Variants in EPS15L1 observed in about 807,000 individuals in gnomAD.
EPS15L1 encodes the protein epidermal growth factor receptor pathway substrate 15 like 1, also known as epidermal growth factor receptor substrate 15-like 1.
In EPS15L1, 43 loss-of-function variants were observed where a neutral mutation model predicts 117.1. The ratio of observed to expected loss-of-function variants is 0.37; its 90% CI spans 0.29 to 0.47. EPS15L1 has a LOEUF of 0.47. Ranked by LOEUF, EPS15L1 falls within the 20% of genes least tolerant of loss-of-function variation. EPS15L1 has a pLI of 0.99. For missense variants in EPS15L1, 981 were observed against 1,164.0 expected (o/e 0.84, Z 2.29); for synonymous variants, 459 against 470.5 (o/e 0.98, Z 0.32).
chr19:16,407,284 C>T (rs2092665930), intron 13 of EPS15L1, among the ~76,000 whole-genome samples: 1 of 152,124 alleles, frequency 6.6e-6, no homozygotes, highest in South Asian at 2.1e-4. Flanking sequence ...GCTCTCCCTT[C>T]CCTTTCTTCT....
intron 22 of EPS15L1, among the ~76,000 whole-genome samples, chr19:16,375,848 G>A (rs1204882280): frequency 6.6e-6 from 1 of 152,216 alleles, no homozygotes; most frequent in Non-Finnish European, 1.5e-5. Context: ...GCCATGGCCA[G>A]CCCAGGGGAC....
intron 10 of EPS15L1, among the ~76,000 whole-genome samples, chr19:16,419,079 GA>G (rs1249211803): frequency 6.6e-6 from 1 of 152,236 alleles, no homozygotes; most frequent in Non-Finnish European, 1.5e-5. Context: ...TGGATGTCCT[GA>G]AAGATGGGCC....
chr19:16,382,967 T>A (rs988394088), intron 21 of EPS15L1: 1 of 151,934 alleles, frequency 6.6e-6, no homozygotes, highest in Non-Finnish European at 1.5e-5. Flanking sequence ...TTTTGTTTTT[T>A]AAAAAAACAC....
chr19:16,421,277 T>C lies in EPS15L1; in HGVS notation c.950+42A>G, dbSNP rs574299732. 12 of 1,574,154 alleles carry C rather than the reference T, an allele frequency of 7.6e-6. No homozygotes were observed. The African/African-American group carries it at 8.1e-5, about 11-fold the overall frequency. The stretch of plus-strand genomic sequence containing the variant: ...CCACAGTCTTCACCCACAGGCCCCC[T>C]GGAGCCACCCACAGCCACAACTGCC... On this transcript the variant is annotated intron_variant, in intron 10 of 23. Transcript: ENST00000455140.
At chr19:16,378,098 C>T (rs917335783) in intron 21 of EPS15L1, among the ~76,000 whole-genome samples, 2 of 151,698 alleles carry the variant, frequency 1.3e-5, no homozygotes, top group Non-Finnish European at 1.5e-5. Flanking sequence ...GATTAATGGA[C>T]GAATGAATGG....
intron 20 of EPS15L1, among the ~76,000 whole-genome samples, chr19:16,385,759 C>T (rs1173785801): frequency 6.6e-6 from 1 of 151,952 alleles, no homozygotes; most frequent in African/African-American, 2.4e-5. Flanking sequence ...AAGGCTCGAG[C>T]GTGCATCTGC....
chr19:16,361,830 AGAG>A lies in EPS15L1; in HGVS notation c.2532_2534del (p.Ser845del), dbSNP rs767374546. On this transcript the variant is annotated inframe_deletion, in exon 23 of 24. Coordinates refer to ENST00000455140, the MANE Select transcript of EPS15L1 (RefSeq NM_001258374.3). ...CAGAGGCCTTAGAAGGTTTAGCTGC[AGAG>A]GAGGGGACAAATGGGTCTTTTCCAC... The A allele has an allele frequency of 8.1e-6, 13 of 1,614,096 alleles. No homozygotes were observed. In the African/African-American group the frequency reaches 1.7e-4, roughly 22 times the overall value.
intron 1 of EPS15L1, among the ~76,000 whole-genome samples, chr19:16,463,903 G>A (rs960697066): frequency 2.6e-5 from 4 of 152,234 alleles, no homozygotes; most frequent in Admixed American, 1.3e-4. Flanking sequence ...ATTCCAGAGA[G>A]AGGGAATAGC....
rs956424896 is a variant in EPS15L1, at chr19:16,361,647, G to A, written c.2586+132C>T. ...AGTGGCAGTGTAGAATAAATAACGCGAGGGACAGAGAGTGTGAGGTACCAA... is the reference window on the plus strand; with the variant it reads ...AGTGGCAGTGTAGAATAAATAACGCAAGGGACAGAGAGTGTGAGGTACCAA... On this transcript the variant is annotated intron_variant, in intron 23 of 23. Coordinates refer to ENST00000455140, the MANE Select transcript of EPS15L1 (RefSeq NM_001258374.3). 1.9e-5 allele frequency: 27 copies of A among 1,407,486 alleles called. No individual in the cohort carries two copies. The African/African-American group carries it at 3.2e-4, about 17-fold the overall frequency. 87.2% of individuals were successfully genotyped at this position (1,407,486 alleles called of 1,614,324 possible). A position where few individuals can be genotyped will look rare whatever the true frequency, so the allele number is the denominator to read the frequency against.
chr19:16,442,042 G>T, intron 2 of EPS15L1, 61 bp from the exon 3 acceptor site: 1 of 1,500,648 alleles, frequency 6.7e-7, no homozygotes, highest in Non-Finnish European at 9.2e-7. Flanking sequence ...AGGTGAAGTG[G>T]CACCCGCCAC....
In EPS15L1 at chr19:16,440,703, C is replaced by T. The variant is rs183545749; in HGVS notation, c.213+159G>A. 1.2e-5 allele frequency: 7 copies of T among 587,516 alleles called. No homozygotes were observed. In the Admixed American group the frequency reaches 1.3e-4, roughly 11 times the overall value. The allele number at this position is 587,516 out of a possible 1,614,324, so 36.4% of individuals were successfully genotyped here. On this transcript the variant is annotated intron_variant, in intron 4 of 23. Coordinates refer to ENST00000455140, the MANE Select transcript of EPS15L1 (RefSeq NM_001258374.3). The stretch of plus-strand genomic sequence containing the variant: ...AAGATGGCTCCAAGTGTTTAAAAGA[C>T]CTTTATTTCAAAATGAAAACTTCCC...
chr19:16,397,539 A>G (rs1057241960), intron 16 of EPS15L1, among the ~76,000 whole-genome samples: 8 of 151,996 alleles, frequency 5.3e-5, no homozygotes, highest in Middle Eastern at 6.8e-3. Context: ...GACCTTCCTC[A>G]ATCATCCTTT....
chr19:16,454,288 C>A (rs1045158891), intron 1 of EPS15L1, among the ~76,000 whole-genome samples: 2 of 152,148 alleles, frequency 1.3e-5, no homozygotes, highest in African/African-American at 4.8e-5. Context: ...CAATCTTCAT[C>A]AGCTTGCTAA....
At chr19:16,419,857 C>T (rs2144937880) in intron 10 of EPS15L1, among the ~76,000 whole-genome samples, 1 of 152,370 alleles carries the variant, frequency 6.6e-6, no homozygotes, top group South Asian at 2.1e-4. Flanking sequence ...GCAGCTGCCT[C>T]TCCACTCCCG....
At chr19:16,420,776 G>A (rs766423515) in intron 10 of EPS15L1, among the ~76,000 whole-genome samples, 7 of 152,162 alleles carry the variant, frequency 4.6e-5, no homozygotes, top group South Asian at 2.1e-4. Context: ...CTATGAAGTC[G>A]GCTGTGTCCA....
intron 16 of EPS15L1, among the ~76,000 whole-genome samples, chr19:16,400,075 G>A (rs935507650): frequency 1.3e-5 from 2 of 152,128 alleles, no homozygotes; most frequent in Admixed American, 6.5e-5. Context: ...GGTGGCTCAC[G>A]CCTGTAATCC....
At chr19:16,415,794 C>G (rs1238172743) in intron 12 of EPS15L1, among the ~76,000 whole-genome samples, 1 of 152,222 alleles carries the variant, frequency 6.6e-6, no homozygotes, top group Non-Finnish European at 1.5e-5. Context: ...GCCCCAGCGT[C>G]CCTTCCTAGA....
intron 22 of EPS15L1, among the ~76,000 whole-genome samples, chr19:16,369,592 T>G (rs1340692615): frequency 6.6e-6 from 1 of 151,876 alleles, no homozygotes; most frequent in Non-Finnish European, 1.5e-5. Context: ...AATAACAATT[T>G]TCTAGAGGTC....
chr19:16,374,927 T>C (rs2092275229), intron 22 of EPS15L1, among the ~76,000 whole-genome samples: 1 of 152,252 alleles, frequency 6.6e-6, no homozygotes, highest in Non-Finnish European at 1.5e-5. Context: ...TGCTCACCTG[T>C]ATTCATGTAT....
Sources: allele counts gnomAD v4.1 joint callset (sites outside exome capture counted in the v4.1 genomes callset), GRCh38; gene constraint gnomAD v4.1.1; transcripts MANE v1.5; gene names NCBI Gene and HGNC (gene_info 2026-07-23, HGNC 2026-07-21).